The following CFAP20DC variants were observed in gnomAD, a reference collection of about 807,000 sequenced individuals.
CFAP20DC encodes the protein CFAP20 domain containing.
A neutral mutation model predicts 101.7 loss-of-function variants in CFAP20DC; 84 were observed. The observed-to-expected ratio is 0.83, with a 90% CI of 0.69 to 0.99. The LOEUF is 0.99. Ranked by LOEUF, CFAP20DC falls within the 50% of genes least tolerant of loss-of-function variation. CFAP20DC has a pLI of 0.00. For synonymous variants in CFAP20DC, 359 were observed against 351.2 expected (o/e 1.02, Z -0.25); for missense variants, 1,007 against 970.3 (o/e 1.04, Z -0.50).
intron 4 of CFAP20DC, among the ~76,000 whole-genome samples, chr3:59,038,655 G>C (rs1385932107): frequency 6.6e-6 from 1 of 151,970 alleles, no homozygotes; most frequent in African/African-American, 2.4e-5. Flanking sequence ...TTATCTGTTA[G>C]GGTGACCTAT....
chr3:59,044,566 GTTTA>G (rs750993949), intron 3 of CFAP20DC, among the ~76,000 whole-genome samples: 43 of 151,546 alleles, frequency 2.8e-4, no homozygotes, highest in Non-Finnish European at 5.6e-4. Context: ...ATTAAACTTG[GTTTA>G]TTTCTTAAAA....
chr3:58,965,457 A>T (rs1351290207), intron 4 of CFAP20DC, among the ~76,000 whole-genome samples: 1 of 152,110 alleles, frequency 6.6e-6, no homozygotes, highest in Non-Finnish European at 1.5e-5. Context: ...TCTTTTTTTT[A>T]AATTGTTCAA....
At position 59,028,612 on chromosome 3, in the gene CFAP20DC, A is replaced by G. The variant is rs115438819; in HGVS notation, c.278+10945T>C. Among the ~76,000 whole-genome samples, 486 of 152,348 alleles carry G rather than the reference A, an allele frequency of 3.2e-3. 4 individuals carry two copies. Among genetic ancestry groups the G allele is most frequent in the African/African-American group, 0.011 (468 of 41,572 alleles). On this transcript the variant is annotated intron_variant, in intron 4 of 16. Transcript: ENST00000482387. Reference sequence around the variant, plus strand: ...GTAAGGCAGCGTGGCAAGGGAGTAGAGAGCACAGGTTCTAGATTCAGGCTA... The same window carrying G: ...GTAAGGCAGCGTGGCAAGGGAGTAGGGAGCACAGGTTCTAGATTCAGGCTA...
chr3:58,811,102 T>A (rs2074587963), intron 14 of CFAP20DC, among the ~76,000 whole-genome samples: 1 of 152,070 alleles, frequency 6.6e-6, no homozygotes, highest in Non-Finnish European at 1.5e-5. Flanking sequence ...GTAGGAAGAA[T>A]CAATATCGTG....
At chr3:58,809,568 T>A (rs1469107700) in intron 14 of CFAP20DC, among the ~76,000 whole-genome samples, 2 of 151,544 alleles carry the variant, frequency 1.3e-5, no homozygotes, top group East Asian at 3.9e-4. Flanking sequence ...TAGAGGGAAA[T>A]TTATAGCACT....
chr3:58,808,116 T>A (rs2074266975), intron 14 of CFAP20DC, among the ~76,000 whole-genome samples: 1 of 152,114 alleles, frequency 6.6e-6, no homozygotes, highest in African/African-American at 2.4e-5. Context: ...ACAGGGAGAA[T>A]GGAACCAAGT....
chr3:58,958,749 T>G (rs1444519015), intron 4 of CFAP20DC, among the ~76,000 whole-genome samples: 2 of 152,004 alleles, frequency 1.3e-5, no homozygotes, highest in Non-Finnish European at 2.9e-5. Flanking sequence ...GCCCTTTGTC[T>G]TTTTTTTCTG....
chr3:58,948,601 G>A (rs1044329267), intron 4 of CFAP20DC, among the ~76,000 whole-genome samples: 4 of 152,304 alleles, frequency 2.6e-5, no homozygotes, highest in African/African-American at 7.2e-5. Flanking sequence ...AGGGTTACTA[G>A]CGTTTGTTGA....
chr3:58,820,190 T>C (rs1460781975), intron 14 of CFAP20DC, among the ~76,000 whole-genome samples: 3 of 151,474 alleles, frequency 2.0e-5, no homozygotes, highest in African/African-American at 7.3e-5. Context: ...AATATCATAC[T>C]GAATGGGAAA....
In CFAP20DC at chr3:58,841,186, T is replaced by C. The variant is rs145941331; in HGVS notation, c.1971+7846A>G. On this transcript the variant is annotated intron_variant, in intron 13 of 16. Transcript: ENST00000482387. ...CATATGTCTAACACACAGGGTGACC[T>C]GACTCTCAAACAGGTGTTTTGAAAT... 2.0e-3 allele frequency among the ~76,000 whole-genome samples: 307 copies of C among 152,346 alleles called. 1 individual carries two copies. Among genetic ancestry groups the C allele is most frequent in the African/African-American group, 7.0e-3 (291 of 41,584 alleles).
chr3:58,842,816 G>C (rs2077258126), intron 13 of CFAP20DC, among the ~76,000 whole-genome samples: 3 of 152,228 alleles, frequency 2.0e-5, no homozygotes, highest in African/African-American at 2.4e-5. Context: ...CTGGAGATCT[G>C]ACAACCGGCA....
chr3:58,996,688 T>A (rs914610401), intron 4 of CFAP20DC, among the ~76,000 whole-genome samples: 2 of 152,232 alleles, frequency 1.3e-5, no homozygotes, highest in African/African-American at 4.8e-5. Flanking sequence ...GGAACGTAAA[T>A]TAAATTTATC....
intron 4 of CFAP20DC, among the ~76,000 whole-genome samples, chr3:58,963,939 A>C (rs1015183188): frequency 5.3e-5 from 8 of 152,186 alleles, no homozygotes; most frequent in African/African-American, 9.7e-5. Context: ...AAGTTATAAG[A>C]CTGAAAGAAC....
chr3:58,996,025 T>TC (rs1553760737), intron 4 of CFAP20DC, among the ~76,000 whole-genome samples: 7 of 151,366 alleles, frequency 4.6e-5, no homozygotes, highest in African/African-American at 2.4e-5. Context: ...TATCTATCTA[T>TC]TGTTTCTGTT....
In CFAP20DC at chr3:58,869,163, A is replaced by G. The variant is rs567123702; in HGVS notation, c.1015+165T>C. On this transcript the variant is annotated intron_variant, in intron 9 of 16. Transcript: ENST00000482387. This position sits in a 1 kb window ranked among gnomAD's most constrained non-coding sequence, Gnocchi z 4.3. ...AGAATGATAGATTTCAGAAGCTAAT[A>G]TAAGAATTTCAAATATATTTCAAAA... is the stretch of plus-strand genomic sequence containing the variant. Among the ~76,000 whole-genome samples the G allele has an allele frequency of 6.6e-6, 1 of 152,354 alleles. No homozygotes were observed. Among genetic ancestry groups the G allele is most frequent in the Non-Finnish European group, 1.5e-5 (1 of 68,020 alleles).
chr3:58,767,019 C>T (rs759693997), intron 15 of CFAP20DC, among the ~76,000 whole-genome samples: 3 of 152,206 alleles, frequency 2.0e-5, no homozygotes, highest in Admixed American at 6.5e-5. Flanking sequence ...ATTACAACCT[C>T]GTTTGTTTGA....
intron 15 of CFAP20DC, among the ~76,000 whole-genome samples, chr3:58,755,098 T>C (rs370496646): frequency 6.6e-6 from 1 of 152,162 alleles, no homozygotes; most frequent in East Asian, 1.9e-4. Context: ...AACAGAGATT[T>C]TCCTTACAAA....
chr3:58,911,891 T>C (rs1256832410), intron 6 of CFAP20DC, among the ~76,000 whole-genome samples: 2 of 152,068 alleles, frequency 1.3e-5, no homozygotes, highest in Non-Finnish European at 2.9e-5. Flanking sequence ...GTACAGAATT[T>C]TGGCCAATCT....
chr3:58,817,033 G>A (rs1225007307), intron 14 of CFAP20DC, among the ~76,000 whole-genome samples: 1 of 152,102 alleles, frequency 6.6e-6, no homozygotes, highest in Non-Finnish European at 1.5e-5. Context: ...GCAGCACACT[G>A]ACACCTCACA....
Sources: allele counts gnomAD v4.1 joint callset (sites outside exome capture counted in the v4.1 genomes callset), GRCh38; gene constraint gnomAD v4.1.1; non-coding constraint Gnocchi (gnomAD v3.1); transcripts MANE v1.5; gene names NCBI Gene and HGNC (gene_info 2026-07-23, HGNC 2026-07-21).